The following KCNN2 variants were observed in gnomAD, a reference collection of about 807,000 sequenced individuals.
The protein encoded by KCNN2 is small conductance calcium-activated potassium channel protein 2.
In KCNN2, 24 loss-of-function variants were observed where a neutral mutation model predicts 55.5. The observed-to-expected ratio is 0.43, with a 90% CI of 0.31 to 0.61. The LOEUF (loss-of-function observed/expected upper bound fraction) is 0.61, where lower values mean the gene tolerates loss of function less well. Among genes scored for constraint, KCNN2 ranks in the 20% least tolerant of loss-of-function variants. The probability of loss-of-function intolerance (pLI) is 0.08; values close to 1 mark genes in which losing one functional copy is unlikely to be tolerated. For synonymous variants in KCNN2, 431 were observed against 336.1 expected, an observed-to-expected ratio of 1.28 and a Z score of -3.09; for missense variants, 754 against 853.6, an observed-to-expected ratio of 0.88 and a Z score of 1.45.
At chr5:114,084,421 C>T (rs929131867) in intron 1 of KCNN2, among the ~76,000 whole-genome samples, 1 of 151,948 alleles carries the variant, frequency 6.6e-6, no homozygotes, top group Admixed American at 6.6e-5. Context: ...TTTCTTAATG[C>T]CATGTTGAGC....
chr5:114,159,130 G>A (rs1436588577), intron 1 of KCNN2, among the ~76,000 whole-genome samples: 26 of 152,152 alleles, frequency 1.7e-4, no homozygotes, highest in Non-Finnish European at 7.3e-5. Context: ...TATGATATTG[G>A]CTGTGGTTTT....
At chr5:114,196,040 GA>G (rs1279880634) in intron 1 of KCNN2, among the ~76,000 whole-genome samples, 2 of 151,930 alleles carry the variant, frequency 1.3e-5, no homozygotes, top group Non-Finnish European at 2.9e-5. Context: ...ACCATTTGTT[GA>G]AAAGACTATT....
chr5:114,449,926 G>A (rs1264661758), intron 3 of KCNN2, among the ~76,000 whole-genome samples: 5 of 148,558 alleles, frequency 3.4e-5, no homozygotes, highest in East Asian at 4.0e-4. Flanking sequence ...GCTCGCGTGC[G>A]CGCACTCTTC....
intron 1 of KCNN2, among the ~76,000 whole-genome samples, chr5:114,128,580 A>G (rs1016197300): frequency 2.0e-5 from 3 of 152,220 alleles, no homozygotes; most frequent in Non-Finnish European, 4.4e-5. Flanking sequence ...TAGGATTTCA[A>G]CATATCATTT....
At chr5:114,245,636 T>C (rs1174352327) in intron 2 of KCNN2, among the ~76,000 whole-genome samples, 1 of 152,048 alleles carries the variant, frequency 6.6e-6, no homozygotes, top group Non-Finnish European at 1.5e-5. Context: ...GACTGTGAAA[T>C]AACAATATAA....
intron 1 of KCNN2, among the ~76,000 whole-genome samples, chr5:114,158,799 CTGTT>C (rs965408773): frequency 6.4e-4 from 98 of 152,048 alleles, no homozygotes; most frequent in African/African-American, 2.1e-3. Flanking sequence ...ATTTGGCTCT[CTGTT>C]TGTCTGTTAT....
intron 1 of KCNN2, among the ~76,000 whole-genome samples, chr5:114,149,894 G>A (rs916047315): frequency 1.3e-5 from 2 of 152,150 alleles, no homozygotes; most frequent in African/African-American, 2.4e-5. Flanking sequence ...AAGAGCTGTG[G>A]CAAGATGAGG....
At chr5:114,379,227 G>A (rs1245531429) in intron 2 of KCNN2, among the ~76,000 whole-genome samples, 1 of 151,950 alleles carries the variant, frequency 6.6e-6, no homozygotes, top group Non-Finnish European at 1.5e-5. Context: ...CTCGCCATCC[G>A]TTTTCTTCTG....
intron 1 of KCNN2, among the ~76,000 whole-genome samples, chr5:114,206,593 G>A (rs1753781394): frequency 6.6e-6 from 1 of 151,276 alleles, no homozygotes; most frequent in South Asian, 2.1e-4. Context: ...GATCACTCTC[G>A]TTAGCCTTTC....
chr5:114,098,964 C>T (rs1031626346), intron 1 of KCNN2, among the ~76,000 whole-genome samples: 2 of 152,080 alleles, frequency 1.3e-5, no homozygotes, highest in Non-Finnish European at 2.9e-5. Flanking sequence ...GCTTAATCCA[C>T]AAATATCCCT....
chr5:114,148,771 A>G (rs1340741029), intron 1 of KCNN2, among the ~76,000 whole-genome samples: 1 of 152,132 alleles, frequency 6.6e-6, no homozygotes, highest in Non-Finnish European at 1.5e-5. Flanking sequence ...GATCATCACC[A>G]GGTTCCTCCT....
intron 3 of KCNN2, among the ~76,000 whole-genome samples, chr5:114,428,861 A>G (rs1262819103): frequency 6.6e-6 from 1 of 152,084 alleles, no homozygotes; most frequent in Non-Finnish European, 1.5e-5. Flanking sequence ...TCACTTAGCA[A>G]TATGCATTTA....
intron 2 of KCNN2, among the ~76,000 whole-genome samples, chr5:114,285,283 C>CAAAA (rs70976334): frequency 3.2e-4 from 18 of 56,270 alleles, no homozygotes; most frequent in African/African-American, 5.3e-4. Context: ...ACTCCATCTC[C>CAAAA]AAAAAAAAAA....
At chr5:114,239,996 G>GA (rs1561536151) in intron 2 of KCNN2, among the ~76,000 whole-genome samples, 2 of 152,032 alleles carry the variant, frequency 1.3e-5, no homozygotes, top group South Asian at 2.1e-4. Context: ...CCAAGGAATA[G>GA]AAAAAATTGA....
intron 3 of KCNN2, among the ~76,000 whole-genome samples, chr5:114,419,985 G>A (rs929072152): frequency 4.6e-5 from 7 of 152,224 alleles, no homozygotes; most frequent in Non-Finnish European, 1.0e-4. Context: ...GAAACATAGT[G>A]AGACCCTGTC....
At chr5:114,279,850 T>G (rs1755584326) in intron 2 of KCNN2, among the ~76,000 whole-genome samples, 1 of 152,114 alleles carries the variant, frequency 6.6e-6, no homozygotes, top group Non-Finnish European at 1.5e-5. Flanking sequence ...GTATTTCTAG[T>G]TCTAGATCCT....
chr5:114,234,035 T>C (rs1023729691), intron 2 of KCNN2, among the ~76,000 whole-genome samples: 14 of 152,058 alleles, frequency 9.2e-5, no homozygotes, highest in South Asian at 2.1e-4. Context: ...GCTTTTTTTT[T>C]TTGGTTAGCA....
chr5:114,059,092 G>T (rs1194955811), intron 1 of KCNN2, among the ~76,000 whole-genome samples: 5 of 152,168 alleles, frequency 3.3e-5, no homozygotes, highest in Non-Finnish European at 5.9e-5. Context: ...CTGGGTGGTG[G>T]GCATAGACTT....
At chr5:114,333,617 A>C (rs1039519116) in intron 2 of KCNN2, among the ~76,000 whole-genome samples, 1 of 152,134 alleles carries the variant, frequency 6.6e-6, no homozygotes, top group African/African-American at 2.4e-5. Context: ...TAGTAAAAAA[A>C]AAAAAATTGA....
Sources: gnomAD v4.1 joint callset for allele counts (sites outside exome capture counted in the v4.1 genomes callset) on GRCh38, gnomAD v4.1.1 for gene constraint, MANE v1.5 for transcripts, NCBI Gene and HGNC (gene_info 2026-07-23, HGNC 2026-07-21) for gene names.